The following XPNPEP3 variants were observed in gnomAD, a reference collection of about 807,000 sequenced individuals.
XPNPEP3 encodes the protein xaa-Pro aminopeptidase 3.
A neutral mutation model predicts 60.0 loss-of-function variants in XPNPEP3; 41 were observed. The observed-to-expected ratio is 0.68, with a 90% CI of 0.53 to 0.89. The LOEUF is 0.89. Ranked by LOEUF, XPNPEP3 falls within the 40% of genes least tolerant of loss-of-function variation. The pLI, the probability that XPNPEP3 is intolerant of heterozygous loss-of-function variation, is 0.00. For missense variants in XPNPEP3, 598 were observed against 638.9 expected (o/e 0.94, Z 0.69); for synonymous variants, 212 against 223.2 (o/e 0.95, Z 0.45).
At chr22:40,884,251 C>G (rs1406559467) in intron 3 of XPNPEP3, among the ~76,000 whole-genome samples, 1 of 151,248 alleles carries the variant, frequency 6.6e-6, no homozygotes, top group African/African-American at 2.4e-5. Flanking sequence ...TTGTCATGTT[C>G]TACTGTCTAA....
In XPNPEP3 at chr22:40,886,600, T is replaced by A. The variant is rs528029281; in HGVS notation, c.792+85T>A. On this transcript the variant is annotated intron_variant, in intron 4 of 9. Coordinates refer to ENST00000357137, the MANE Select transcript of XPNPEP3 (RefSeq NM_022098.4). ...AAGCACTTTGGGAGGCCGAGGCAGG[T>A]GGATCATGAGGTCAGGAGATCGAGA... is the stretch of plus-strand genomic sequence containing the variant. The A allele has an allele frequency of 4.7e-6, 6 of 1,285,326 alleles. No homozygotes were observed. The South Asian group carries it at 4.8e-5, about 10-fold the overall frequency. 79.6% of individuals were successfully genotyped at this position (1,285,326 alleles called of 1,614,324 possible). A position where few individuals can be genotyped will look rare whatever the true frequency, so the allele number is the denominator to read the frequency against.
intron 4 of XPNPEP3, among the ~76,000 whole-genome samples, chr22:40,890,899 C>T (rs924302572): frequency 1.3e-5 from 2 of 151,922 alleles, no homozygotes; most frequent in African/African-American, 4.8e-5. Flanking sequence ...AAGACAAAAT[C>T]GTGGTGTAAT....
At chr22:40,858,077 C>T (rs1371745828) in intron 1 of XPNPEP3, among the ~76,000 whole-genome samples, 2 of 152,108 alleles carry the variant, frequency 1.3e-5, no homozygotes, top group African/African-American at 4.8e-5. Flanking sequence ...GACAACTCTC[C>T]GTGGGATTAG....
At position 40,909,625 on chromosome 22, in the gene XPNPEP3, C is replaced by T. The variant is rs139568000; in HGVS notation, c.969+390C>T. 1.6e-3 allele frequency among the ~76,000 whole-genome samples: 236 copies of T among 151,812 alleles called. 4 individuals carry two copies. The highest frequency in any genetic ancestry group is 5.3e-3 in the African/African-American group (221 of 41,392). On this transcript the variant is annotated intron_variant, in intron 6 of 9. Coordinates refer to ENST00000357137, the MANE Select transcript of XPNPEP3 (RefSeq NM_022098.4). ...ACTAAAAATACAAAAATTAGCCAGG[C>T]GTGGTGGCACGTGCTTGTAATCCCA...
At chr22:40,898,305 C>T (rs892435182) in intron 4 of XPNPEP3, among the ~76,000 whole-genome samples, 1 of 104,572 alleles carries the variant, frequency 9.6e-6, no homozygotes, top group East Asian at 2.9e-4. Flanking sequence ...GGACTGCGGA[C>T]TGCAGTGGCG....
chr22:40,894,814 A>C (rs967377285), intron 4 of XPNPEP3, among the ~76,000 whole-genome samples: 9 of 152,082 alleles, frequency 5.9e-5, no homozygotes, highest in African/African-American at 2.2e-4. Flanking sequence ...TTTCCCTTAG[A>C]ATTTTCATAG....
chr22:40,922,601 A>T lies in XPNPEP3; in HGVS notation c.1236+88A>T, dbSNP rs932747350. The T allele has an allele frequency of 4.1e-6, 6 of 1,461,970 alleles. No homozygotes were observed. The African/African-American group carries it at 7.0e-5, about 17-fold the overall frequency. The allele number at this position is 1,461,970 out of a possible 1,614,324, so 90.6% of individuals were successfully genotyped here. A position where few individuals can be genotyped will look rare whatever the true frequency, so the allele number is the denominator to read the frequency against. ...TATATAAAGCTAATTAGACTTAGAA[A>T]TGGGACAGATGTAGTGATTCATGCC... On this transcript the variant is annotated intron_variant, in intron 8 of 9. Transcript: ENST00000357137.
At chr22:40,899,656 T>G (rs2058123593) in intron 4 of XPNPEP3, among the ~76,000 whole-genome samples, 1 of 151,742 alleles carries the variant, frequency 6.6e-6, no homozygotes, top group South Asian at 2.1e-4. Context: ...TCATCTCTAC[T>G]AAAAATACAA....
intron 4 of XPNPEP3, among the ~76,000 whole-genome samples, chr22:40,894,440 A>G (rs1027188487): frequency 7.2e-5 from 11 of 152,198 alleles, no homozygotes; most frequent in African/African-American, 1.4e-4. Context: ...TGCATAATAC[A>G]GTGGTTACTG....
intron 2 of XPNPEP3, among the ~76,000 whole-genome samples, chr22:40,872,286 C>A (rs1421944742): frequency 1.3e-5 from 2 of 152,090 alleles, no homozygotes; most frequent in Non-Finnish European, 2.9e-5. Context: ...GCACTGTAGA[C>A]CATTTCTGCT....
chr22:40,914,677 A>C (rs2058189455), intron 7 of XPNPEP3, among the ~76,000 whole-genome samples: 1 of 150,738 alleles, frequency 6.6e-6, no homozygotes, highest in Non-Finnish European at 1.5e-5. Flanking sequence ...CTCTCTTCTC[A>C]GACCTCTTAA....
chr22:40,912,053 C>A (rs1203716301), intron 6 of XPNPEP3, among the ~76,000 whole-genome samples: 1 of 151,932 alleles, frequency 6.6e-6, no homozygotes, highest in East Asian at 1.9e-4. Context: ...CAAACAGTGC[C>A]AATTTTCTAT....
At position 40,861,872 on chromosome 22, in the gene XPNPEP3, T is replaced by A. The variant is rs2057950978; in HGVS notation, c.64+4627T>A. The A allele has an allele frequency of 1.2e-6, 2 of 1,613,636 alleles. No homozygotes were observed. The highest frequency in any genetic ancestry group is 1.7e-5 in the Admixed American group (1 of 59,960). On this transcript the variant is annotated intron_variant, in intron 1 of 9. Coordinates refer to ENST00000357137, the MANE Select transcript of XPNPEP3 (RefSeq NM_022098.4). ...CTACTTCTTTGAATTTTCTCTCTGC[T>A]TCTTCTTTATTTTCTGGATTTTTAT... is the stretch of plus-strand genomic sequence containing the variant.
chr22:40,882,330 T>G (rs1472081421), intron 3 of XPNPEP3, among the ~76,000 whole-genome samples, 153 bp downstream of exon 3: 3 of 152,144 alleles, frequency 2.0e-5, no homozygotes, highest in African/African-American at 7.2e-5. Flanking sequence ...TTCAGAAGAT[T>G]GAGCTTCTTT....
At position 40,929,703 on chromosome 22, in the gene XPNPEP3, A is replaced by G. The variant is rs1471052179; in HGVS notation, c.*3268A>G. ...CCTTTGAGTCCCAGATTAACTAACT[A>G]TAGCAGCTAAGCATTTGAATCAGAC... On this transcript the variant is annotated 3_prime_UTR_variant, in exon 10 of 10. Transcript: ENST00000357137. 3 of 152,302 alleles carry G rather than the reference A, an allele frequency of 2.0e-5. No homozygotes were observed. Among genetic ancestry groups the G allele is most frequent in the African/African-American group, 7.2e-5 (3 of 41,572 alleles). The allele number at this position is 152,302 out of a possible 1,614,324, so 9.4% of individuals were successfully genotyped here.
intron 8 of XPNPEP3, 35 bp downstream of exon 8, chr22:40,922,548 C>A (rs1242672377): frequency 1.2e-6 from 2 of 1,609,278 alleles, no homozygotes; most frequent in Non-Finnish European, 1.7e-6. Flanking sequence ...TTCTCAAGAA[C>A]ACCTAGCATG....
intron 1 of XPNPEP3, among the ~76,000 whole-genome samples, chr22:40,865,428 A>G (rs543915972): frequency 2.0e-5 from 3 of 150,916 alleles, no homozygotes; most frequent in African/African-American, 7.3e-5. Context: ...TCCCAGGTTC[A>G]AGCCATTCTC....
At chr22:40,890,318 C>T (rs1175447591) in intron 4 of XPNPEP3, among the ~76,000 whole-genome samples, 1 of 151,940 alleles carries the variant, frequency 6.6e-6, no homozygotes, top group Admixed American at 6.6e-5. Flanking sequence ...GAGGCTGAGG[C>T]AGGAGAATCA....
At chr22:40,892,826 T>G (rs535762103) in intron 4 of XPNPEP3, among the ~76,000 whole-genome samples, 2 of 152,198 alleles carry the variant, frequency 1.3e-5, no homozygotes, top group South Asian at 4.1e-4. Flanking sequence ...CCCACCAAGT[T>G]ATACCTTGTT....
Sources: gnomAD v4.1 joint callset for allele counts (sites outside exome capture counted in the v4.1 genomes callset) on GRCh38, gnomAD v4.1.1 for gene constraint, MANE v1.5 for transcripts, NCBI Gene and HGNC (gene_info 2026-07-23, HGNC 2026-07-21) for gene names.